The following CEPT1 variants were observed in gnomAD, a reference collection of about 807,000 sequenced individuals.
The protein encoded by CEPT1 is choline/ethanolamine phosphotransferase 1, also known as choline/ethanolaminephosphotransferase 1.
Under a neutral mutation model 42.6 loss-of-function variants are expected in CEPT1, and 7 were observed. That is an observed-to-expected ratio of 0.16 (90% CI 0.09 to 0.31). The LOEUF (loss-of-function observed/expected upper bound fraction) is 0.31. CEPT1 is among the 10% of genes least tolerant of loss of function. The pLI, the probability that CEPT1 is intolerant of heterozygous loss-of-function variation, is 1.00. For synonymous variants in CEPT1, 171 were observed against 171.9 expected (o/e 0.99, Z 0.04); for missense variants, 306 against 502.1 (o/e 0.61, Z 3.73).
chr1:111,171,518 C>T (rs1241765316), intron 4 of CEPT1, among the ~76,000 whole-genome samples: 1 of 152,154 alleles, frequency 6.6e-6, no homozygotes, highest in Non-Finnish European at 1.5e-5. Flanking sequence ...TTATTTTGAC[C>T]TCAGACTGTC....
At chr1:111,142,736 C>G (rs925514617) in intron 1 of CEPT1, among the ~76,000 whole-genome samples, 1 of 152,116 alleles carries the variant, frequency 6.6e-6, no homozygotes, top group Non-Finnish European at 1.5e-5. Flanking sequence ...AGAATGTTAA[C>G]AAGACAGGCT....
intron 5 of CEPT1, chr1:111,179,223 C>G (rs1172289839): frequency 6.6e-6 from 1 of 152,092 alleles, no homozygotes; most frequent in Non-Finnish European, 1.5e-5. Context: ...TTTTCTTTTT[C>G]TATGTCTAAC....
chr1:111,143,462 T>A (rs2101215598), intron 1 of CEPT1: 1 of 152,362 alleles, frequency 6.6e-6, no homozygotes, highest in South Asian at 2.1e-4. Flanking sequence ...TAGTTTTTAT[T>A]TCTTTTCCCA....
chr1:111,178,351 G>A (rs1054583815), intron 5 of CEPT1: 14 of 152,206 alleles, frequency 9.2e-5, no homozygotes, highest in African/African-American at 3.4e-4. Context: ...TTTTGTAAAG[G>A]TAAGTGATTT....
In CEPT1 at chr1:111,160,821, C is replaced by CT. The variant is rs1655827595; in HGVS notation, c.488-328dup. 4 of 270,350 alleles carry CT rather than the reference C, an allele frequency of 1.5e-5. No individual in the cohort carries two copies. In the Admixed American group the frequency reaches 1.5e-4, roughly 10 times the overall value. The allele number at this position is 270,350 out of a possible 1,614,324, so 16.7% of individuals were successfully genotyped here. On this transcript the variant is annotated intron_variant, in intron 3 of 8. Transcript: ENST00000357172. Reference sequence around the variant, plus strand: ...GGGATTATATAGCCCCTTTGTTTTTCTTTTTTGGCTGTCTGCCTTGTAATG... The same window carrying CT: ...GGGATTATATAGCCCCTTTGTTTTTCTTTTTTTGGCTGTCTGCCTTGTAATG...
chr1:111,143,465 T>C (rs530574531), intron 1 of CEPT1: 2 of 152,356 alleles, frequency 1.3e-5, no homozygotes, highest in South Asian at 4.1e-4. Context: ...TTTTTATTTC[T>C]TTTCCCACTG....
rs1316568627 is a variant in CEPT1 at position 111,182,208 on chromosome 1, A to G, written c.736A>G (p.Met246Val). Residue 246 changes from methionine to valine, a missense_variant, in exon 6 of 9, where the codon ATG becomes GTG. This residue lies in a region of CEPT1 where 253 missense variants were observed against 447.3 expected (regional missense o/e 0.57). Coordinates refer to ENST00000357172, the MANE Select transcript of CEPT1 (RefSeq NM_006090.5). ...AAAGATTCCAGTGCTGAATATTCAA[A>G]TGAAAATTTTTCCTGCACTTTGTAC... ...QSMIPVLNIQ[M>V]KIFPALCTVA... 22 of 1,607,420 alleles carry G rather than the reference A, an allele frequency of 1.4e-5. No individual in the cohort carries two copies. The East Asian group carries it at 4.9e-4, about 36-fold the overall frequency.
At position 111,184,376 on chromosome 1, in the gene CEPT1, T is replaced by C; in HGVS notation, c.*66T>C. The C allele has an allele frequency of 7.9e-7, 1 of 1,268,408 alleles. No individual in the cohort carries two copies. The highest frequency in any genetic ancestry group is 1.3e-5 in the South Asian group (1 of 74,492). The allele number at this position is 1,268,408 out of a possible 1,614,324, so 78.6% of individuals were successfully genotyped here. A position where few individuals can be genotyped will look rare whatever the true frequency, so the allele number is the denominator to read the frequency against. The stretch of plus-strand genomic sequence containing the variant: ...AAAGAAAGTAACATATTAAGGAGAA[T>C]GGGGGTGGATAAGAACAAATATAAT... On this transcript the variant is annotated 3_prime_UTR_variant, in exon 9 of 9. Coordinates refer to ENST00000357172, the MANE Select transcript of CEPT1 (RefSeq NM_006090.5).
rs1412300171 is a variant in CEPT1, at chr1:111,184,842, A to T, written c.*532A>T. 1 of 145,312 alleles carries T rather than the reference A, an allele frequency of 6.9e-6. No individual in the cohort carries two copies. The highest frequency in any genetic ancestry group is 1.5e-5 in the Non-Finnish European group (1 of 66,572). The allele number at this position is 145,312 out of a possible 1,614,324, so 9.0% of individuals were successfully genotyped here. A position where few individuals can be genotyped will look rare whatever the true frequency, so the allele number is the denominator to read the frequency against. ...GTTTCCTATCTTTACATTGTTGAGG[A>T]AGTCCTTTTTTTTTTTTTTTTTTTT... On this transcript the variant is annotated 3_prime_UTR_variant, in exon 9 of 9. Coordinates refer to ENST00000357172, the MANE Select transcript of CEPT1 (RefSeq NM_006090.5).
At position 111,163,310 on chromosome 1, in the gene CEPT1, A is replaced by T. The variant is rs1329755933; in HGVS notation, c.629+2014A>T. Among the ~76,000 whole-genome samples, 7 of 152,210 alleles carry T rather than the reference A, an allele frequency of 4.6e-5. 1 individual carries two copies. The highest frequency in any genetic ancestry group is 5.9e-5 in the Non-Finnish European group (4 of 68,036). ...AAGCAGCACCAAATTTGTTTTTTAA[A>T]TTAAAAGCAGGCTATAATGTTCATA... On this transcript the variant is annotated intron_variant, in intron 4 of 8. Transcript: ENST00000357172.
chr1:111,149,084 G>T (rs1349993768), intron 2 of CEPT1, among the ~76,000 whole-genome samples: 1 of 151,920 alleles, frequency 6.6e-6, no homozygotes, highest in Non-Finnish European at 1.5e-5. Flanking sequence ...TCATCAATTT[G>T]TCTGTTTCCA....
intron 1 of CEPT1, among the ~76,000 whole-genome samples, chr1:111,143,256 G>A (rs1419129915): frequency 1.3e-5 from 2 of 152,300 alleles, no homozygotes; most frequent in East Asian, 1.9e-4. Context: ...ATCTCAGGGC[G>A]TGTTCCATTT....
chr1:111,155,880 T>G lies in CEPT1; in HGVS notation c.340-3500T>G, dbSNP rs1239871345. On this transcript the variant is annotated intron_variant, in intron 2 of 8. Transcript: ENST00000357172. ...TATAACCCACACATATGTGTATATG[T>G]GTGTGTGTATATGTATATATATATT... Among the ~76,000 whole-genome samples the G allele has an allele frequency of 2.0e-5, 3 of 152,208 alleles. No homozygotes were observed. The South Asian group carries it at 6.2e-4, about 32-fold the overall frequency.
intron 4 of CEPT1, among the ~76,000 whole-genome samples, chr1:111,174,495 A>G (rs1656577438): frequency 6.6e-6 from 1 of 152,004 alleles, no homozygotes; most frequent in African/African-American, 2.4e-5. Flanking sequence ...ACTACAAAGC[A>G]CTTATTTCAA....
intron 5 of CEPT1, chr1:111,178,235 CA>C (rs1399155024): frequency 6.6e-6 from 1 of 152,176 alleles, no homozygotes; most frequent in Non-Finnish European, 1.5e-5. Context: ...TCCAAATCCT[CA>C]TTAAGTTAGA....
intron 1 of CEPT1, 114 bp from the exon 2 acceptor site, chr1:111,147,528 T>C: frequency 2.1e-6 from 1 of 486,230 alleles, no homozygotes. Context: ...GTTTGATACT[T>C]ACTACTTTAT....
intron 4 of CEPT1, among the ~76,000 whole-genome samples, chr1:111,162,622 T>G (rs2101320995): frequency 6.6e-6 from 1 of 152,222 alleles, no homozygotes; most frequent in East Asian, 1.9e-4. Context: ...CCCATGAAAT[T>G]TATTGAACAG....
intron 5 of CEPT1, among the ~76,000 whole-genome samples, chr1:111,176,832 C>T (rs150475234): frequency 3.2e-4 from 48 of 152,304 alleles, no homozygotes; most frequent in African/African-American, 9.6e-4. Context: ...ATCTTAGCCA[C>T]CCATGTGGAT....
intron 8 of CEPT1, 93 bp downstream of exon 8, chr1:111,183,680 T>C: frequency 8.0e-7 from 1 of 1,253,324 alleles, no homozygotes; most frequent in South Asian, 1.4e-5. Context: ...AGATCGTTCA[T>C]ATAATTGTAA....
Sources: allele counts gnomAD v4.1 joint callset (sites outside exome capture counted in the v4.1 genomes callset), GRCh38; gene constraint gnomAD v4.1.1; regional missense constraint gnomAD v4.1.1; transcripts MANE v1.5; gene names NCBI Gene and HGNC (gene_info 2026-07-23, HGNC 2026-07-21).